The following SLC7A11 variants were observed in gnomAD, a reference collection of about 807,000 sequenced individuals.
SLC7A11 encodes the protein cystine/glutamate transporter.
Under a neutral mutation model 54.5 loss-of-function variants are expected in SLC7A11, and 35 were observed. That is an observed-to-expected ratio of 0.64 (90% CI 0.49 to 0.85). The LOEUF (loss-of-function observed/expected upper bound fraction) is 0.85, where lower values mean the gene tolerates loss of function less well. Among genes scored for constraint, SLC7A11 ranks in the 40% least tolerant of loss-of-function variants. The pLI is 0.00. For synonymous variants in SLC7A11, 230 were observed against 225.2 expected, an observed-to-expected ratio of 1.02 and a Z score of -0.19; for missense variants, 583 against 618.1, an observed-to-expected ratio of 0.94 and a Z score of 0.60.
At position 138,242,189 on chromosome 4, in the gene SLC7A11, CTA is replaced by C; in HGVS notation, c.-122_-121del. On this transcript the variant is annotated 5_prime_UTR_variant, in exon 1 of 12. Coordinates refer to ENST00000280612, the MANE Select transcript of SLC7A11 (RefSeq NM_014331.4). ...TGCTTTCAGACTGTCTCTCTCAGCG[CTA>C]TAGTGTTCACAGGTGAAAACTCAAA... The C allele has an allele frequency of 8.5e-7, 1 of 1,180,808 alleles. No homozygotes were observed. Among genetic ancestry groups the C allele is most frequent in the South Asian group, 1.5e-5 (1 of 66,212 alleles). The allele number at this position is 1,180,808 out of a possible 1,614,324, so 73.1% of individuals were successfully genotyped here.
rs116222086 is a variant in SLC7A11, at chr4:138,204,111, T to C, written c.791+10474A>G. Among the ~76,000 whole-genome samples, 509 of 152,192 alleles carry C rather than the reference T, an allele frequency of 3.3e-3. 3 individuals are homozygous for C. Among genetic ancestry groups the C allele is most frequent in the African/African-American group, 0.011 (475 of 41,554 alleles). On this transcript the variant is annotated intron_variant, in intron 6 of 11. Transcript: ENST00000280612. ...TCCAACTTTCTTTTCCATAGCAAAA[T>C]TACTTCCTTAGCCATTCACCTTGTA...
Position 138,185,168 on chromosome 4 carries a change from T to C in SLC7A11, c.868A>G (p.Thr290Ala), listed in dbSNP as rs778886421. The change falls in exon 7 of 12, where the codon ACG becomes GCG. Residue 290 changes from threonine to alanine, a missense_variant. Transcript: ENST00000280612. ...AGCAGCTCCTCAGCATTAATGGTCG[T>C]AAAGTAGGCCACATTTGTCAGCACA... Reference protein sequence around the residue: ...GYVLTNVAYFTTINAEELLLS... With the variant: ...GYVLTNVAYFATINAEELLLS... The C allele has an allele frequency of 1.9e-5, 30 of 1,612,858 alleles. No homozygotes were observed. The highest frequency in any genetic ancestry group is 2.5e-5 in the Non-Finnish European group (29 of 1,179,254).
chr4:138,234,555 G>T (rs1341254392), intron 2 of SLC7A11, among the ~76,000 whole-genome samples: 2 of 148,670 alleles, frequency 1.3e-5, no homozygotes, highest in Middle Eastern at 3.4e-3. Flanking sequence ...CACACACAGA[G>T]AAAAGTAGTT....
At chr4:138,222,452 A>G (rs1046409890) in intron 4 of SLC7A11, among the ~76,000 whole-genome samples, 9 of 152,196 alleles carry the variant, frequency 5.9e-5, no homozygotes, top group African/African-American at 2.2e-4. Flanking sequence ...ATTTCCTGCT[A>G]TATTCCTGTT....
chr4:138,178,460 TA>T (rs1481242983), intron 11 of SLC7A11, among the ~76,000 whole-genome samples: 1 of 152,144 alleles, frequency 6.6e-6, no homozygotes, highest in Non-Finnish European at 1.5e-5. Flanking sequence ...CATGTGTCTT[TA>T]TAGTAGAATG....
intron 4 of SLC7A11, among the ~76,000 whole-genome samples, chr4:138,221,480 G>A (rs974831379): frequency 1.3e-5 from 2 of 152,112 alleles, no homozygotes; most frequent in Admixed American, 6.6e-5. Flanking sequence ...TACAGCAATC[G>A]AGCAAATATA....
rs1199509649 is a variant in SLC7A11 at position 138,237,733 on chromosome 4, ATATATTTTTTTTTTTTTTTTTTTT to A, written c.278-1306_278-1283del. ...TATATATATATATATATATATATATATATATTTTTTTTTTTTTTTTTTTTTTTTTTTTTTTGAGATGGAGTCTCA... is the reference window on the plus strand; with the variant it reads ...TATATATATATATATATATATATATATTTTTTTTTTTGAGATGGAGTCTCA... On this transcript the variant is annotated intron_variant, in intron 1 of 11. Transcript: ENST00000280612. Among the ~76,000 whole-genome samples the A allele has an allele frequency of 6.1e-4, 7 of 11,562 alleles. 1 individual carries two copies. The East Asian group carries it at 0.018, about 30-fold the overall frequency. The allele number at this position is 11,562 out of a possible 152,430, so 7.6% of individuals were successfully genotyped here. A position where few individuals can be genotyped will look rare whatever the true frequency, so the allele number is the denominator to read the frequency against.
rs35701885 is a variant in SLC7A11, at chr4:138,183,261, C to T, written c.960G>A (p.Pro320=). 67,057 of 1,611,556 alleles carry T rather than the reference C, an allele frequency of 0.042. 1,806 individuals carry two copies. Among genetic ancestry groups the T allele is most frequent in the Non-Finnish European group, 0.047 (54,855 of 1,178,516 alleles). The change falls in exon 8 of 12, where the codon CCG becomes CCA. Residue 320 remains proline, a synonymous_variant. Coordinates refer to ENST00000280612, the MANE Select transcript of SLC7A11 (RefSeq NM_014331.4). ...RLLGNFSLAV[P]IFVALSCFGS... is the part of the protein sequence containing the mutation. ...CAAAGCAGGAGAGGGCAACAAAGAT[C>T]GGAACTGCTAATGAGAAATTTCCCA...
At chr4:138,194,603 C>T (rs780027047) in intron 6 of SLC7A11, among the ~76,000 whole-genome samples, 1 of 152,148 alleles carries the variant, frequency 6.6e-6, no homozygotes, top group Non-Finnish European at 1.5e-5. Flanking sequence ...TAAATTCCCA[C>T]AACCAAGAAA....
chr4:138,177,397 T>G (rs535446979), intron 11 of SLC7A11: 3 of 152,012 alleles, frequency 2.0e-5, no homozygotes, highest in Admixed American at 2.0e-4. Flanking sequence ...TGGCTATATT[T>G]GTTACCTACC....
At chr4:138,230,871 C>A (rs1738060695) in intron 3 of SLC7A11, among the ~76,000 whole-genome samples, 1 of 152,224 alleles carries the variant, frequency 6.6e-6, no homozygotes, top group Non-Finnish European at 1.5e-5. Context: ...ACTTACTGAG[C>A]ACCACCAACA....
At chr4:138,180,838 G>A (rs772601850) in intron 9 of SLC7A11, 48 bp from the exon 10 acceptor site, 2 of 1,558,394 alleles carry the variant, frequency 1.3e-6, no homozygotes, top group Non-Finnish European at 8.7e-7. Flanking sequence ...TGAAAACACA[G>A]ATGATTAACA....
intron 3 of SLC7A11, among the ~76,000 whole-genome samples, chr4:138,224,583 C>T (rs1737892159): frequency 6.6e-6 from 1 of 151,998 alleles, no homozygotes; most frequent in Non-Finnish European, 1.5e-5. Flanking sequence ...CAAATGTCAG[C>T]AACACATAAT....
intron 3 of SLC7A11, among the ~76,000 whole-genome samples, chr4:138,229,070 T>C (rs754756472): frequency 2.0e-5 from 3 of 152,204 alleles, no homozygotes; most frequent in Non-Finnish European, 4.4e-5. Flanking sequence ...TTCTATGATG[T>C]AGCAAGACCC....
In SLC7A11 at chr4:138,216,510, TA is replaced by T. The variant is rs528020950; in HGVS notation, c.747-1882del. On this transcript the variant is annotated intron_variant, in intron 5 of 11. Coordinates refer to ENST00000280612, the MANE Select transcript of SLC7A11 (RefSeq NM_014331.4). ...TGAACGCAGACATTGGCAATGTTAT[TA>T]ACATTGTTCCGACCCAACTGTGTGA... Among the ~76,000 whole-genome samples the T allele has an allele frequency of 2.1e-4, 32 of 152,252 alleles. No homozygotes were observed. The South Asian group carries it at 4.8e-3, about 23-fold the overall frequency.
Position 138,183,405 on chromosome 4 carries a change from G to T in SLC7A11, c.916-100C>A, listed in dbSNP as rs186516770. ...TTGCTCTATGACTTTCTATTAGCCT[G>T]GTGATACTTGTATGTTTTATAATTT... On this transcript the variant is annotated intron_variant, in intron 7 of 11. Transcript: ENST00000280612. 282 of 727,264 alleles carry T rather than the reference G, an allele frequency of 3.9e-4. 3 individuals carry two copies. The East Asian group carries it at 7.5e-3, about 19-fold the overall frequency. 45.1% of individuals were successfully genotyped at this position (727,264 alleles called of 1,614,324 possible).
chr4:138,232,210 T>C, intron 3 of SLC7A11, 57 bp downstream of exon 3: 2 of 1,159,224 alleles, frequency 1.7e-6, no homozygotes, highest in Admixed American at 1.7e-5. Context: ...AGACACTTTG[T>C]CTTCAATCAT....
At chr4:138,241,716 A>C in intron 1 of SLC7A11, 77 bp downstream of exon 1, 1 of 1,224,740 alleles carries the variant, frequency 8.2e-7, no homozygotes, top group Non-Finnish European at 1.2e-6. Flanking sequence ...CTCCTCAAAA[A>C]CTACCATTTG....
intron 3 of SLC7A11, among the ~76,000 whole-genome samples, chr4:138,229,668 T>C (rs539458557): frequency 6.6e-6 from 1 of 152,364 alleles, no homozygotes; most frequent in South Asian, 2.1e-4. Flanking sequence ...TTGAGCAGTT[T>C]TCATTTAATC....
Sources: gnomAD v4.1 joint callset for allele counts (sites outside exome capture counted in the v4.1 genomes callset) on GRCh38, gnomAD v4.1.1 for gene constraint, MANE v1.5 for transcripts, NCBI Gene and HGNC (gene_info 2026-07-23, HGNC 2026-07-21) for gene names.